The following ACTR8 variants were observed in gnomAD, a reference collection of about 807,000 sequenced individuals.
ACTR8 encodes actin-related protein 8.
ACTR8 carries 70 observed loss-of-function variants against 84.3 expected under a neutral mutation model. The observed-to-expected ratio is 0.83, with a 90% CI of 0.68 to 1.01. ACTR8 has a LOEUF of 1.01. Among genes scored for constraint, ACTR8 ranks in the 50% least tolerant of loss-of-function variants. The pLI, the probability that ACTR8 is intolerant of heterozygous loss-of-function variation, is 0.00. For missense variants in ACTR8, 672 were observed against 775.4 expected (o/e 0.87, Z 1.58); for synonymous variants, 268 against 275.2 (o/e 0.97, Z 0.26).
intron 1 of ACTR8, chr3:53,881,759 T>C: frequency 1.5e-6 from 1 of 673,184 alleles, no homozygotes; most frequent in Non-Finnish European, 2.5e-6. Flanking sequence ...CGGAGCGGTG[T>C]CCCTGCGGGG....
Position 53,876,643 on chromosome 3 carries a change from A to G in ACTR8, c.755T>C (p.Ile252Thr), listed in dbSNP as rs766469803. ...ACCTGAAAAACCCATCTTCATTAGTATCATATTCACTAGTTCTTTCACATG... is the reference window on the plus strand; with the variant it reads ...ACCTGAAAAACCCATCTTCATTAGTGTCATATTCACTAGTTCTTTCACATG... Reference protein sequence around the residue: ...KQHVKELVNMILMKMGFSGIV... With the variant: ...KQHVKELVNMTLMKMGFSGIV... The change falls in exon 6 of 13, where the codon ATA becomes ACA. Residue 252 changes from isoleucine to threonine, a missense_variant. Ile to Thr is a moderately conservative substitution (Grantham distance 89). Coordinates refer to ENST00000335754, the MANE Select transcript of ACTR8 (RefSeq NM_022899.5). 6.4e-7 allele frequency: 1 copy of G among 1,574,436 alleles called. No homozygotes were observed. Among genetic ancestry groups the G allele is most frequent in the East Asian group, 2.3e-5 (1 of 44,306 alleles).
intron 5 of ACTR8, 140 bp downstream of exon 5, chr3:53,877,074 C>A: frequency 2.7e-6 from 2 of 730,570 alleles, no homozygotes; most frequent in South Asian, 3.0e-5. Context: ...GAAAAGACAT[C>A]CTCATGCCAC....
chr3:53,876,749 C>T (rs747869417), intron 5 of ACTR8, 36 bp from the exon 6 acceptor site: 5 of 1,161,568 alleles, frequency 4.3e-6, no homozygotes, highest in Non-Finnish European at 1.2e-6. Flanking sequence ...GGTTAGCACT[C>T]AAGTCTAGTC....
chr3:53,861,182 G>A, the ACTR8 span: 7 of 151,968 alleles, frequency 4.6e-5, no homozygotes, highest in Non-Finnish European at 8.8e-5. Flanking sequence ...GGTATTTTTC[G>A]TGTTTAGTGC....
downstream of ACTR8, among the ~76,000 whole-genome samples, chr3:53,864,189 T>C (rs1438516830): frequency 6.6e-6 from 1 of 152,142 alleles, no homozygotes; most frequent in South Asian, 2.1e-4. Context: ...GTTGAGAGGA[T>C]TGTTTTAGTG....
downstream of ACTR8, among the ~76,000 whole-genome samples, chr3:53,863,871 G>A (rs1201224459): frequency 6.7e-6 from 1 of 149,754 alleles, no homozygotes; most frequent in African/African-American, 2.5e-5. Flanking sequence ...TGCCCAGGCT[G>A]GAGTGGAATG....
chr3:53,882,007 G>A lies in ACTR8; in HGVS notation c.95C>T (p.Pro32Leu). Residue 32 changes from proline to leucine, a missense_variant, in exon 1 of 13, where the codon CCC (proline) becomes CTC (leucine). Transcript: ENST00000335754. Reference protein sequence around the residue: ...EQRGVKRPIVPALVPESLQEQ... With the variant: ...EQRGVKRPIVLALVPESLQEQ... ...TTGCAGCGACTCCGGCACCAGCGCG[G>A]GCACGATGGGCCGCTTCACGCCGCG... 6.4e-7 allele frequency: 1 copy of A among 1,552,490 alleles called. No homozygotes were observed.
At chr3:53,877,434 C>G in intron 4 of ACTR8, 47 bp from the exon 5 acceptor site, 1 of 1,529,204 alleles carries the variant, frequency 6.5e-7, no homozygotes, top group Non-Finnish European at 8.8e-7. Context: ...ACTTTTCTCT[C>G]AAGGTTTTCT....
Position 53,877,256 on chromosome 3 carries a change from A to G in ACTR8, c.642T>C (p.His214=). The change falls in exon 5 of 13, where the codon CAT becomes CAC. Residue 214 remains histidine (H), a synonymous_variant. Coordinates refer to ENST00000335754, the MANE Select transcript of ACTR8 (RefSeq NM_022899.5). ...VLADIEVIWS[H]AIQKYLEIPL... ...GGATTTCCAAGTATTTTTGTATCGC[A>G]TGAGACCATATTACTTCAATATCTG... 6.2e-7 allele frequency: 1 copy of G among 1,612,756 alleles called. No homozygotes were observed. Among genetic ancestry groups the G allele is most frequent in the Non-Finnish European group, 8.5e-7 (1 of 1,179,680 alleles).
Position 53,868,163 on chromosome 3 carries a change from T to G in ACTR8, c.*556A>C, listed in dbSNP as rs1188327403. ...TCGAGACCTGAATGGGTCCCATTCT[T>G]TTTCTGTAATCCAACAGAAAATGAA... On this transcript the variant is annotated 3_prime_UTR_variant, in exon 13 of 13. Coordinates refer to ENST00000335754, the MANE Select transcript of ACTR8 (RefSeq NM_022899.5). 6.7e-6 allele frequency: 1 copy of G among 149,856 alleles called. No individual in the cohort carries two copies. Among genetic ancestry groups the G allele is most frequent in the African/African-American group, 2.5e-5 (1 of 40,526 alleles). 9.3% of individuals were successfully genotyped at this position (149,856 alleles called of 1,614,324 possible). A position where few individuals can be genotyped will look rare whatever the true frequency, so the allele number is the denominator to read the frequency against.
chr3:53,868,354 C>T lies in ACTR8; in HGVS notation c.*365G>A, dbSNP rs1576858677. 1.6e-5 allele frequency: 3 copies of T among 191,352 alleles called. No homozygotes were observed. The highest frequency in any genetic ancestry group is 7.0e-5 in the African/African-American group (3 of 42,556). The allele number at this position is 191,352 out of a possible 1,614,324, so 11.9% of individuals were successfully genotyped here. ...AGTTCTCCCTCGTCACATACTATCC[C>T]TCATGGTTGCATGAGGCTGCCTGCT... On this transcript the variant is annotated 3_prime_UTR_variant, in exon 13 of 13. Transcript: ENST00000335754.
chr3:53,881,744 G>C (rs1310871233), intron 1 of ACTR8: 6 of 626,640 alleles, frequency 9.6e-6, no homozygotes, highest in African/African-American at 1.9e-5. Flanking sequence ...GGGCGTGCGG[G>C]AGATCGGAGC....
downstream of ACTR8, among the ~76,000 whole-genome samples, chr3:53,862,938 G>A (rs540088241): frequency 7.8e-4 from 118 of 152,170 alleles, no homozygotes; most frequent in African/African-American, 2.7e-3. Context: ...CTCTTCCACC[G>A]CTTCTGCCTC....
chr3:53,878,850 A>T (rs1229786915), intron 2 of ACTR8, among the ~76,000 whole-genome samples: 1 of 152,216 alleles, frequency 6.6e-6, no homozygotes, highest in African/African-American at 2.4e-5. Context: ...AATTCCCAGG[A>T]ATCTTTTATT....
At chr3:53,874,081 C>T in intron 8 of ACTR8, 130 bp downstream of exon 8, 1 of 910,128 alleles carries the variant, frequency 1.1e-6, no homozygotes, top group Non-Finnish European at 1.5e-6. Flanking sequence ...ACCTCGGCCT[C>T]CCAAAGTGCT....
chr3:53,864,083 A>C (rs1013325723), downstream of ACTR8, among the ~76,000 whole-genome samples: 3 of 152,090 alleles, frequency 2.0e-5, no homozygotes, highest in African/African-American at 7.2e-5. Flanking sequence ...TTGGCCTCCC[A>C]AAGTGCTGGG....
At position 53,868,875 on chromosome 3, in the gene ACTR8, T is replaced by C; in HGVS notation, c.1732-13A>G. ...GGGGGTCCATGTCCTACAGAAGGGA[T>C]GAAGGCATTTCAGCCTAATCACATA... On this transcript the variant is annotated splice_polypyrimidine_tract_variant and intron_variant, in intron 12 of 12. Transcript: ENST00000335754. 6.2e-7 allele frequency: 1 copy of C among 1,612,342 alleles called. No homozygotes were observed. The highest frequency in any genetic ancestry group is 2.2e-5 in the East Asian group (1 of 44,860).
Position 53,873,054 on chromosome 3 carries a change from C to T in ACTR8, c.1139G>A (p.Arg380Gln), listed in dbSNP as rs769477282. Residue 380 changes from arginine (R) to glutamine (Q), a missense_variant, in exon 9 of 13, where the codon CGA becomes CAA. Arg to Gln is a conservative substitution (Grantham distance 43). Transcript: ENST00000335754. ...PDSPALLYQF[R>Q]LGDEKLQAPM... is the part of the protein sequence containing the mutation. ...TACCTGCAGTTTTTCATCTCCTAAT[C>T]GAAACTGGTAAAGCAGGGCAGGAGA... is the stretch of plus-strand genomic sequence containing the variant. 10 of 1,610,614 alleles carry T rather than the reference C, an allele frequency of 6.2e-6. No homozygotes were observed. Among genetic ancestry groups the T allele is most frequent in the South Asian group, 4.4e-5 (4 of 90,450 alleles).
chr3:53,860,422 G>C, the ACTR8 span: 7 of 419,022 alleles, frequency 1.7e-5, no homozygotes, highest in African/African-American at 1.4e-4. Flanking sequence ...GTGAAAGCAG[G>C]GTCAGGACTT....
Sources: allele counts gnomAD v4.1 joint callset (sites outside exome capture counted in the v4.1 genomes callset), GRCh38; gene constraint gnomAD v4.1.1; transcripts MANE v1.5; gene names NCBI Gene and HGNC (gene_info 2026-07-23, HGNC 2026-07-21).